CCDC127: variants seen among roughly 807,000 people sequenced by gnomAD.
The protein encoded by CCDC127 is coiled-coil domain-containing protein 127.
Under a neutral mutation model 4.1 loss-of-function variants are expected in CCDC127, and 2 were observed. The ratio of observed to expected loss-of-function variants is 0.49; its 90% CI spans 0.20 to 1.53. CCDC127 has a LOEUF of 1.53. Ranked by LOEUF, CCDC127 falls within the 40% of genes most tolerant of loss-of-function variation. CCDC127 has a pLI of 0.23. For synonymous variants in CCDC127, 98 were observed against 120.4 expected, an observed-to-expected ratio of 0.81 and a Z score of 1.22; for missense variants, 271 against 322.9, an observed-to-expected ratio of 0.84 and a Z score of 1.23.
In CCDC127 at chr5:202,193, A is replaced by G. The variant is rs1294832333; in HGVS notation, c.*3104T>C. 1 of 152,272 alleles carries G rather than the reference A, an allele frequency of 6.6e-6. No homozygotes were observed. Among genetic ancestry groups the G allele is most frequent in the African/African-American group, 2.4e-5 (1 of 41,476 alleles). 9.4% of individuals were successfully genotyped at this position (152,272 alleles called of 1,614,324 possible). A position where few individuals can be genotyped will look rare whatever the true frequency, so the allele number is the denominator to read the frequency against. ...GTGTAACTATTCCAAACCGACCACAATCCATTTCAAAAGAGGGTGGCCTCA... is the reference window on the plus strand; with the variant it reads ...GTGTAACTATTCCAAACCGACCACAGTCCATTTCAAAAGAGGGTGGCCTCA... On this transcript the variant is annotated 3_prime_UTR_variant, in exon 3 of 3. Coordinates refer to ENST00000296824, the MANE Select transcript of CCDC127 (RefSeq NM_145265.3).
At chr5:209,057 C>G (rs1228973914) in intron 2 of CCDC127, among the ~76,000 whole-genome samples, 1 of 151,912 alleles carries the variant, frequency 6.6e-6, no homozygotes, top group South Asian at 2.1e-4. Flanking sequence ...CAGAACAACT[C>G]GAAGAAAAAC....
intron 2 of CCDC127, among the ~76,000 whole-genome samples, chr5:209,077 G>A (rs1042221537): frequency 3.9e-5 from 6 of 152,316 alleles, no homozygotes; most frequent in Admixed American, 2.6e-4. Flanking sequence ...CTGGAATGAC[G>A]GAATCAGGAC....
Position 218,075 on chromosome 5 carries a change from G to A in CCDC127, c.-11+18C>T, listed in dbSNP as rs544082807. ...AATGTTGGTGCCCACCACCTCCCCGGAACAGGGCCCGCTCTACCTCGGTCG... is the reference window on the plus strand; with the variant it reads ...AATGTTGGTGCCCACCACCTCCCCGAAACAGGGCCCGCTCTACCTCGGTCG... On this transcript the variant is annotated intron_variant, in intron 1 of 2. Coordinates refer to ENST00000296824, the MANE Select transcript of CCDC127 (RefSeq NM_145265.3). 8.5e-5 allele frequency: 99 copies of A among 1,165,208 alleles called. No individual in the cohort carries two copies. The South Asian group carries it at 3.7e-3, about 44-fold the overall frequency. The allele number at this position is 1,165,208 out of a possible 1,614,324, so 72.2% of individuals were successfully genotyped here.
Position 198,161 on chromosome 5 carries a change from G to A in CCDC127, c.*7136C>T, listed in dbSNP as rs937689371. On this transcript the variant is annotated 3_prime_UTR_variant, in exon 3 of 3. Transcript: ENST00000296824. The stretch of plus-strand genomic sequence containing the variant: ...GCGTCTCAGGAATGGACGGCCTCCT[G>A]CCGAGTGGGCAGATATGGTGACTTC... 6.6e-6 allele frequency: 1 copy of A among 152,312 alleles called. No individual in the cohort carries two copies. The highest frequency in any genetic ancestry group is 2.4e-5 in the African/African-American group (1 of 41,450). The allele number at this position is 152,312 out of a possible 1,614,324, so 9.4% of individuals were successfully genotyped here.
Position 197,400 on chromosome 5 carries a change from C to T in CCDC127, c.*7897G>A, listed in dbSNP as rs1733980757. 6.6e-6 allele frequency: 1 copy of T among 152,216 alleles called. No individual in the cohort carries two copies. Among genetic ancestry groups the T allele is most frequent in the Non-Finnish European group, 1.5e-5 (1 of 68,070 alleles). 9.4% of individuals were successfully genotyped at this position (152,216 alleles called of 1,614,324 possible). A position where few individuals can be genotyped will look rare whatever the true frequency, so the allele number is the denominator to read the frequency against. Reference sequence around the variant, plus strand: ...TCAGGTCTTTCTCATTCCACGAGGCCATATTTCAGACTATCACATGGGGAG... The same window carrying T: ...TCAGGTCTTTCTCATTCCACGAGGCTATATTTCAGACTATCACATGGGGAG... On this transcript the variant is annotated 3_prime_UTR_variant, in exon 3 of 3. Transcript: ENST00000296824.
Position 205,524 on chromosome 5 carries a change from T to C in CCDC127, c.556A>G (p.Ile186Val). The C allele has an allele frequency of 6.2e-7, 1 of 1,613,994 alleles. No homozygotes were observed. Among genetic ancestry groups the C allele is most frequent in the South Asian group, 1.1e-5 (1 of 91,080 alleles). The change falls in exon 3 of 3, where the codon ATA becomes GTA. Residue 186 changes from isoleucine to valine, a missense_variant. Physicochemically the swap from Ile to Val is conservative, Grantham distance 29 (BLOSUM62 3). Transcript: ENST00000296824. ...LFLPRSKRLE[I>V]EKSLLVRASV... ...GCTCGCACCAGTAAGCTCTTCTCTATCTCCAGCCGCTTGCTGCGAGGAAGA... is the reference window on the plus strand; with the variant it reads ...GCTCGCACCAGTAAGCTCTTCTCTACCTCCAGCCGCTTGCTGCGAGGAAGA...
chr5:215,392 G>T (rs932551575), intron 2 of CCDC127: 9 of 152,230 alleles, frequency 5.9e-5, no homozygotes, highest in African/African-American at 1.9e-4. Context: ...TATAAAAGCT[G>T]GAGATGAGTC....
chr5:205,229 C>T lies in CCDC127; in HGVS notation c.*68G>A, dbSNP rs1382464526. Reference sequence around the variant, plus strand: ...CGGGCAGCACGGGAACGGAAGACGCCGGAGACCCAGAAGGCGCATGACTGC... The same window carrying T: ...CGGGCAGCACGGGAACGGAAGACGCTGGAGACCCAGAAGGCGCATGACTGC... On this transcript the variant is annotated 3_prime_UTR_variant, in exon 3 of 3. Transcript: ENST00000296824. 136 of 1,444,184 alleles carry T rather than the reference C, an allele frequency of 9.4e-5. No homozygotes were observed. Among genetic ancestry groups the T allele is most frequent in the Non-Finnish European group, 1.2e-4 (131 of 1,059,746 alleles). The allele number at this position is 1,444,184 out of a possible 1,614,324, so 89.5% of individuals were successfully genotyped here. A position where few individuals can be genotyped will look rare whatever the true frequency, so the allele number is the denominator to read the frequency against.
intron 2 of CCDC127, chr5:215,212 A>G (rs1734357281): frequency 6.6e-6 from 1 of 152,150 alleles, no homozygotes; most frequent in African/African-American, 2.4e-5. Flanking sequence ...ACACCTTTGG[A>G]GAATCCTTAC....
At position 199,197 on chromosome 5, in the gene CCDC127, A is replaced by C. The variant is rs931422259; in HGVS notation, c.*6100T>G. ...GGGGCCGTTTTAGGGGCTCCAACTC[A>C]AGTCCTTCCTGGCTTAATGACTTGT... On this transcript the variant is annotated 3_prime_UTR_variant, in exon 3 of 3. Coordinates refer to ENST00000296824, the MANE Select transcript of CCDC127 (RefSeq NM_145265.3). 5.9e-5 allele frequency: 9 copies of C among 152,688 alleles called. No individual in the cohort carries two copies. Among genetic ancestry groups the C allele is most frequent in the African/African-American group, 2.2e-4 (9 of 41,564 alleles). 9.5% of individuals were successfully genotyped at this position (152,688 alleles called of 1,614,324 possible).
intron 2 of CCDC127, chr5:214,660 A>C (rs1734343920): frequency 6.6e-6 from 1 of 152,316 alleles, no homozygotes; most frequent in Non-Finnish European, 1.5e-5. Context: ...GGAGCTACTC[A>C]GGGTAAGAAT....
chr5:198,295 G>C lies in CCDC127; in HGVS notation c.*7002C>G, dbSNP rs545343562. The C allele has an allele frequency of 2.0e-5, 3 of 152,326 alleles. No homozygotes were observed. The highest frequency in any genetic ancestry group is 4.4e-5 in the Non-Finnish European group (3 of 68,082). The allele number at this position is 152,326 out of a possible 1,614,324, so 9.4% of individuals were successfully genotyped here. ...TCCAGGGACATGAATTTGATATTGC[G>C]GCCAGCTTTTGGAAACAGGCAGGGA... On this transcript the variant is annotated 3_prime_UTR_variant, in exon 3 of 3. Coordinates refer to ENST00000296824, the MANE Select transcript of CCDC127 (RefSeq NM_145265.3).
rs2126501016 is a variant in CCDC127 at position 202,445 on chromosome 5, C to G, written c.*2852G>C. The G allele has an allele frequency of 6.6e-6, 1 of 152,342 alleles. No homozygotes were observed. Among genetic ancestry groups the G allele is most frequent in the Non-Finnish European group, 1.5e-5 (1 of 68,076 alleles). 9.4% of individuals were successfully genotyped at this position (152,342 alleles called of 1,614,324 possible). A position where few individuals can be genotyped will look rare whatever the true frequency, so the allele number is the denominator to read the frequency against. On this transcript the variant is annotated 3_prime_UTR_variant, in exon 3 of 3. Transcript: ENST00000296824. The stretch of plus-strand genomic sequence containing the variant: ...ACTAAACATACAAAAATTAGCCAGG[C>G]ATGGTGGCAGGCACCTGTAGTCCCA...
At position 202,055 on chromosome 5, in the gene CCDC127, A is replaced by C. The variant is rs1734084775; in HGVS notation, c.*3242T>G. 6.6e-6 allele frequency: 1 copy of C among 152,244 alleles called. No homozygotes were observed. The highest frequency in any genetic ancestry group is 1.5e-5 in the Non-Finnish European group (1 of 68,060). The allele number at this position is 152,244 out of a possible 1,614,324, so 9.4% of individuals were successfully genotyped here. A position where few individuals can be genotyped will look rare whatever the true frequency, so the allele number is the denominator to read the frequency against. On this transcript the variant is annotated 3_prime_UTR_variant, in exon 3 of 3. Transcript: ENST00000296824. ...ATGTCGCTACAAATTCAGCACACAC[A>C]CCAACCAGCACAATTACCCTTTTCT...
rs6886904 is a variant in CCDC127, at chr5:201,908, A to C, written c.*3389T>G. 0.67 allele frequency: 101,640 copies of C among 151,976 alleles called. 34,306 individuals are homozygous for C. The highest frequency in any genetic ancestry group is 0.69 in the Non-Finnish European group (47,181 of 67,994). 9.4% of individuals were successfully genotyped at this position (151,976 alleles called of 1,614,324 possible). A position where few individuals can be genotyped will look rare whatever the true frequency, so the allele number is the denominator to read the frequency against. ...CCAAGGAAACTGGACCTGCTTCCGA[A>C]ACCTAGGATCTCCCAGAGCTCCACT... On this transcript the variant is annotated 3_prime_UTR_variant, in exon 3 of 3. Transcript: ENST00000296824.
At chr5:210,505 A>T (rs1734262472) in intron 2 of CCDC127, among the ~76,000 whole-genome samples, 1 of 152,252 alleles carries the variant, frequency 6.6e-6, no homozygotes, top group Admixed American at 6.5e-5. Context: ...TTTCATCAGG[A>T]GGATACGCTG....
In CCDC127 at chr5:204,807, T is replaced by TA. The variant is rs1383779730; in HGVS notation, c.*489dup. On this transcript the variant is annotated 3_prime_UTR_variant, in exon 3 of 3. Coordinates refer to ENST00000296824, the MANE Select transcript of CCDC127 (RefSeq NM_145265.3). ...TGGAGTGAGAGAGATCTTTAAAATA[T>TA]AAACCCTTGATAATATAATATTACT... The TA allele has an allele frequency of 6.6e-6, 1 of 152,544 alleles. No individual in the cohort carries two copies. Among genetic ancestry groups the TA allele is most frequent in the Non-Finnish European group, 1.5e-5 (1 of 68,286 alleles). The allele number at this position is 152,544 out of a possible 1,614,324, so 9.4% of individuals were successfully genotyped here. A position where few individuals can be genotyped will look rare whatever the true frequency, so the allele number is the denominator to read the frequency against.
At chr5:208,772 A>G (rs6896634) in intron 2 of CCDC127, among the ~76,000 whole-genome samples, 32,261 of 152,234 alleles carry the variant, frequency 0.21, 4,888 homozygotes, top group African/African-American at 0.43. Flanking sequence ...GGCGCCATTC[A>G]AGAAAGCCAG....
intron 1 of CCDC127, chr5:217,068 T>G (rs1322203703): frequency 5.8e-6 from 3 of 519,328 alleles, no homozygotes; most frequent in East Asian, 4.1e-5. Context: ...GAGGTGGAGG[T>G]TGCAGTGAGT....
Sources: gnomAD v4.1 joint callset for allele counts (sites outside exome capture counted in the v4.1 genomes callset) on GRCh38, gnomAD v4.1.1 for gene constraint, MANE v1.5 for transcripts, NCBI Gene and HGNC (gene_info 2026-07-23, HGNC 2026-07-21) for gene names.